PLXNB2: variants seen among roughly 807,000 people sequenced by gnomAD.
The protein encoded by PLXNB2 is plexin-B2.
PLXNB2 carries 85 observed loss-of-function variants against 202.6 expected under a neutral mutation model. The observed-to-expected ratio is 0.42, with a 90% CI of 0.35 to 0.50. The LOEUF is 0.50. Ranked by LOEUF, PLXNB2 falls within the 20% of genes least tolerant of loss-of-function variation. The pLI, the probability that PLXNB2 is intolerant of heterozygous loss-of-function variation, is 0.02. For missense variants in PLXNB2, 2,063 were observed against 2,586.2 expected (o/e 0.80, Z 4.39); for synonymous variants, 1,239 against 1,137.6 (o/e 1.09, Z -1.79).
At chr22:50,299,990 G>A (rs981902864) in intron 1 of PLXNB2, among the ~76,000 whole-genome samples, 4 of 152,098 alleles carry the variant, frequency 2.6e-5, no homozygotes, top group African/African-American at 7.2e-5. Flanking sequence ...AAGCGCGCCC[G>A]GGGCCAGGAA....
chr22:50,290,776 C>A (rs2066812799), intron 2 of PLXNB2, among the ~76,000 whole-genome samples, 179 bp from the exon 3 acceptor site: 1 of 152,230 alleles, frequency 6.6e-6, no homozygotes, highest in Non-Finnish European at 1.5e-5. Context: ...CGAGGTCTCG[C>A]CGGAGACCAC....
chr22:50,306,988 G>C (rs925903326), intron 1 of PLXNB2, among the ~76,000 whole-genome samples: 5 of 152,076 alleles, frequency 3.3e-5, no homozygotes, highest in African/African-American at 1.2e-4. Context: ...GGCAGGGCTC[G>C]CGCCCCCGCT....
At chr22:50,301,435 G>T (rs1367038976) in intron 1 of PLXNB2, 2 of 982,298 alleles carry the variant, frequency 2.0e-6, no homozygotes, top group Non-Finnish European at 2.4e-6. Context: ...GCTACAGCAG[G>T]AACCACCAAC....
chr22:50,300,362 C>A (rs1272380259), intron 1 of PLXNB2: 20 of 979,724 alleles, frequency 2.0e-5, no homozygotes, highest in Non-Finnish European at 2.4e-5. Context: ...AGCTCCGCCC[C>A]GCCGATGGTG....
rs574864684 is a variant in PLXNB2 at position 50,295,324 on chromosome 22, A to G, written c.-73-546T>C. Among the ~76,000 whole-genome samples the G allele has an allele frequency of 7.5e-3, 1,131 of 150,246 alleles. 22 individuals carry two copies. The highest frequency in any genetic ancestry group is 0.027 in the African/African-American group (1,096 of 41,270). ...TTCGTCTCAAAAAAAAAAAAAAAAA[A>G]AAAGTTGCTTTCTGAAAAATACGCA... On this transcript the variant is annotated intron_variant, in intron 1 of 36. Coordinates refer to ENST00000359337, the MANE Select transcript of PLXNB2 (RefSeq NM_012401.4).
intron 14 of PLXNB2, 38 bp downstream of exon 14, chr22:50,283,795 G>T (rs751814563): frequency 8.1e-6 from 13 of 1,612,634 alleles, no homozygotes; most frequent in Non-Finnish European, 1.1e-5. Context: ...TCATGCCAGG[G>T]ACGAGGGAAG....
chr22:50,302,085 C>A (rs867268416), intron 1 of PLXNB2, among the ~76,000 whole-genome samples: 1 of 152,110 alleles, frequency 6.6e-6, no homozygotes, highest in African/African-American at 2.4e-5. Context: ...CCTGGAGCCC[C>A]GAGGGAGGGG....
In PLXNB2 at chr22:50,284,172, G is replaced by A. The variant is rs758070664; in HGVS notation, c.2223C>T (p.Tyr741=). ...CGATATTCTTGCCGTAAGACTTGAC[G>A]TAGAGGTGCAGGGGCAGCGTCTCGT... ...DANETLPLHL[Y]VKSYGKNIDS... Residue 741 remains tyrosine, a synonymous_variant, in exon 13 of 37, where the codon TAC becomes TAT. Coordinates refer to ENST00000359337, the MANE Select transcript of PLXNB2 (RefSeq NM_012401.4). This position sits in a 1 kb window ranked among gnomAD's most constrained non-coding sequence, Gnocchi z 8.0. 204 of 1,612,264 alleles carry A rather than the reference G, an allele frequency of 1.3e-4. No individual in the cohort carries two copies. In the East Asian group the frequency reaches 3.0e-3, roughly 24 times the overall value.
rs750703641 is a variant in PLXNB2, at chr22:50,282,183, C to T, written c.3117+1G>A. The T allele has an allele frequency of 6.2e-7, 1 of 1,609,132 alleles. No homozygotes were observed. The highest frequency in any genetic ancestry group is 1.1e-5 in the South Asian group (1 of 90,688). The stretch of plus-strand genomic sequence containing the variant: ...AGAGCTGAGCCCACGCCAGGACTGA[C>T]CGTCATGGGCTGCAGGGATTCAGCC... On this transcript the variant is annotated splice_donor_variant, in intron 19 of 36. Transcript: ENST00000359337. LOFTEE classifies it high-confidence loss of function.
At position 50,280,684 on chromosome 22, in the gene PLXNB2, C is replaced by T. The variant is rs199831357; in HGVS notation, c.3994-14G>A. The stretch of plus-strand genomic sequence containing the variant: ...GGTGTGGATGAACTGTAGGGGCCGG[C>T]GGTCAAAGCCTGCCCGGCGCCACCT... On this transcript the variant is annotated splice_polypyrimidine_tract_variant and intron_variant, in intron 24 of 36. Transcript: ENST00000359337. 3,869 of 1,607,410 alleles carry T rather than the reference C, an allele frequency of 2.4e-3. 8 individuals are homozygous for T. The highest frequency in any genetic ancestry group is 3.0e-3 in the Non-Finnish European group (3,494 of 1,176,990).
In PLXNB2 at chr22:50,282,010, C is replaced by T; in HGVS notation, c.3189G>A (p.Glu1063=). The T allele has an allele frequency of 1.2e-6, 2 of 1,612,932 alleles. No homozygotes were observed. The highest frequency in any genetic ancestry group is 3.3e-5 in the Admixed American group (2 of 59,976). ...GCACCGTGAGGTTGTAGGCCTCTGG[C>T]TCCTCAGGCACAGCCGGGGACAGGA... is the stretch of plus-strand genomic sequence containing the variant. The part of the protein sequence containing the change: ...VVFLSPAVPE[E]PEAYNLTVLI... The change falls in exon 20 of 37, where the codon GAG becomes GAA. Residue 1063 remains glutamate (E), a synonymous_variant. Coordinates refer to ENST00000359337, the MANE Select transcript of PLXNB2 (RefSeq NM_012401.4).
At chr22:50,301,303 C>T (rs571381937) in intron 1 of PLXNB2, 20 of 704,770 alleles carry the variant, frequency 2.8e-5, no homozygotes, top group Non-Finnish European at 3.5e-5. Flanking sequence ...CTTGCTACAC[C>T]GTGGTCCTTC....
At chr22:50,300,285 G>C in intron 1 of PLXNB2, 3 of 985,262 alleles carry the variant, frequency 3.0e-6, no homozygotes, top group South Asian at 9.4e-5. Context: ...ACCTGGCGTC[G>C]GGCACATCGG....
At chr22:50,286,152 C>T (rs755385610) in intron 9 of PLXNB2, 21 bp downstream of exon 9, 25 of 1,610,252 alleles carry the variant, frequency 1.6e-5, no homozygotes, top group East Asian at 4.5e-5. Flanking sequence ...AGGGTGGGGT[C>T]GATGGGCACA....
At position 50,288,716 on chromosome 22, in the gene PLXNB2, T is replaced by G. The variant is rs2066647091; in HGVS notation, c.1380+27A>C. On this transcript the variant is annotated intron_variant, in intron 5 of 36. Coordinates refer to ENST00000359337, the MANE Select transcript of PLXNB2 (RefSeq NM_012401.4). The surrounding 1 kb of genome is among the most constrained non-coding windows in gnomAD (Gnocchi z 5.0). Reference sequence around the variant, plus strand: ...ATGACCGGGCACACTTGGCCTAGAGTGCTCTCCGGGGCTGCGTCTGGCTCA... The same window carrying G: ...ATGACCGGGCACACTTGGCCTAGAGGGCTCTCCGGGGCTGCGTCTGGCTCA... 6.2e-7 allele frequency: 1 copy of G among 1,611,164 alleles called. No individual in the cohort carries two copies. Among genetic ancestry groups the G allele is most frequent in the African/African-American group, 1.3e-5 (1 of 74,894 alleles).
chr22:50,306,035 C>A (rs548795568), intron 1 of PLXNB2, among the ~76,000 whole-genome samples: 1 of 152,240 alleles, frequency 6.6e-6, no homozygotes, highest in African/African-American at 2.4e-5. Context: ...CCTCAACCCA[C>A]GTCCCGGAAG....
intron 1 of PLXNB2, among the ~76,000 whole-genome samples, chr22:50,301,913 A>T (rs1396342268): frequency 6.6e-6 from 1 of 152,116 alleles, no homozygotes; most frequent in East Asian, 1.9e-4. Flanking sequence ...ATGACCACAC[A>T]TGTGCAGACA....
At chr22:50,280,147 G>T in intron 25 of PLXNB2, 76 bp from the exon 26 acceptor site, 1 of 1,246,142 alleles carries the variant, frequency 8.0e-7, no homozygotes, top group Non-Finnish European at 1.1e-6. Context: ...CCAAGCACCC[G>T]GCCACCCTTG....
Position 50,278,443 on chromosome 22 carries a change from G to C in PLXNB2, c.4724C>G (p.Pro1575Arg). The change falls in exon 30 of 37, where the codon CCT becomes CGT. Residue 1575 changes from proline to arginine, a missense_variant. Pro to Arg is a moderately radical substitution (Grantham distance 103, BLOSUM62 -2). This residue lies in a region of PLXNB2 where 760 missense variants were observed against 1,109.4 expected (regional missense o/e 0.69). Coordinates refer to ENST00000359337, the MANE Select transcript of PLXNB2 (RefSeq NM_012401.4). ...QQPEDSQQDL[P>R]GERHALLEEE... ...AACAGGGAGGGACTCACGCTCCCCAGGCAGGTCCTGCTGGCTGTCCTCCGG... is the reference window on the plus strand; with the variant it reads ...AACAGGGAGGGACTCACGCTCCCCACGCAGGTCCTGCTGGCTGTCCTCCGG... The C allele has an allele frequency of 1.3e-6, 2 of 1,559,130 alleles. No individual in the cohort carries two copies. Among genetic ancestry groups the C allele is most frequent in the Admixed American group, 1.9e-5 (1 of 51,718 alleles).
Sources: gnomAD v4.1 joint callset for allele counts (sites outside exome capture counted in the v4.1 genomes callset) on GRCh38, gnomAD v4.1.1 for gene constraint, gnomAD v4.1.1 regional missense constraint, Gnocchi (gnomAD v3.1) non-coding constraint, MANE v1.5 for transcripts, NCBI Gene and HGNC (gene_info 2026-07-23, HGNC 2026-07-21) for gene names.